Variants in EPB41L4B observed in about 807,000 individuals in gnomAD.
The protein encoded by EPB41L4B is band 4.1-like protein 4B.
EPB41L4B carries 30 observed loss-of-function variants against 112.5 expected under a neutral mutation model. That is an observed-to-expected ratio of 0.27 (90% CI 0.20 to 0.36). The LOEUF (loss-of-function observed/expected upper bound fraction) is 0.36, where lower values mean the gene tolerates loss of function less well. Among genes scored for constraint, EPB41L4B ranks in the 10% least tolerant of loss-of-function variants. The pLI is 1.00. For synonymous variants in EPB41L4B, 408 were observed against 439.7 expected, an observed-to-expected ratio of 0.93 and a Z score of 0.90; for missense variants, 1,024 against 1,133.3, an observed-to-expected ratio of 0.90 and a Z score of 1.38.
chr9:109,200,780 T>TA (rs1832797481), intron 19 of EPB41L4B, among the ~76,000 whole-genome samples: 7 of 150,676 alleles, frequency 4.6e-5, no homozygotes, highest in South Asian at 2.1e-4. Flanking sequence ...TATTTTTTTT[T>TA]TAAAAAAAGA....
At chr9:109,223,819 G>A (rs1833672420) in intron 15 of EPB41L4B, among the ~76,000 whole-genome samples, 1 of 152,160 alleles carries the variant, frequency 6.6e-6, no homozygotes. Context: ...AGGAGTTTGA[G>A]ACCAGCTTGG....
intron 18 of EPB41L4B, among the ~76,000 whole-genome samples, chr9:109,203,961 C>T (rs187019067): frequency 6.6e-6 from 1 of 152,336 alleles, no homozygotes; most frequent in Admixed American, 6.5e-5. Context: ...TCAATTCTTG[C>T]ATTCATGCTT....
chr9:109,284,351 T>C (rs1203890212), intron 1 of EPB41L4B, among the ~76,000 whole-genome samples: 1 of 152,212 alleles, frequency 6.6e-6, no homozygotes, highest in East Asian at 1.9e-4. Flanking sequence ...GTCAAACCAC[T>C]GTAAATTGGA....
intron 15 of EPB41L4B, among the ~76,000 whole-genome samples, chr9:109,222,473 T>C (rs1833613463): frequency 6.6e-6 from 1 of 152,180 alleles, no homozygotes; most frequent in South Asian, 2.1e-4. Flanking sequence ...ACAATGTAAA[T>C]GACATTCACT....
At chr9:109,205,061 G>A (rs1172332452) in intron 18 of EPB41L4B, among the ~76,000 whole-genome samples, 1 of 152,148 alleles carries the variant, frequency 6.6e-6, no homozygotes, top group Non-Finnish European at 1.5e-5. Context: ...GGCCAGTTAG[G>A]TGTGAAAGAA....
intron 14 of EPB41L4B, among the ~76,000 whole-genome samples, chr9:109,247,263 T>G (rs1588168534): frequency 6.6e-6 from 1 of 151,372 alleles, no homozygotes; most frequent in Non-Finnish European, 1.5e-5. Context: ...AAATAAAACA[T>G]GTCTTTCTTG....
intron 18 of EPB41L4B, among the ~76,000 whole-genome samples, 193 bp downstream of exon 18, chr9:109,207,731 C>T (rs1382712428): frequency 2.0e-5 from 3 of 152,162 alleles, no homozygotes; most frequent in Admixed American, 6.6e-5. Flanking sequence ...TCTCTTTTCA[C>T]CCTTTCATGT....
At chr9:109,198,915 G>C (rs1174905794) in intron 20 of EPB41L4B, among the ~76,000 whole-genome samples, 1 of 134,030 alleles carries the variant, frequency 7.5e-6, no homozygotes, top group Non-Finnish European at 1.6e-5. Flanking sequence ...GACAGAGCAA[G>C]GCTCTGTCTC....
intron 24 of EPB41L4B, among the ~76,000 whole-genome samples, chr9:109,182,513 A>G (rs998873095): frequency 6.6e-6 from 1 of 152,250 alleles, no homozygotes; most frequent in African/African-American, 2.4e-5. Flanking sequence ...CTGTGAATGT[A>G]CTGTCACTGA....
intron 24 of EPB41L4B, 44 bp downstream of exon 24, chr9:109,182,685 G>T (rs1301715713): frequency 3.4e-6 from 5 of 1,454,600 alleles, no homozygotes; most frequent in Admixed American, 1.7e-5. Flanking sequence ...CACCGCATGG[G>T]AACAAGGGTT....
chr9:109,284,873 T>A (rs1244591506), intron 1 of EPB41L4B, among the ~76,000 whole-genome samples: 3 of 152,232 alleles, frequency 2.0e-5, no homozygotes, highest in Non-Finnish European at 4.4e-5. Context: ...CAATACCTAT[T>A]ATCATGGCTC....
intron 17 of EPB41L4B, 115 bp from the exon 18 acceptor site, chr9:109,208,164 G>T (rs577422693): frequency 8.1e-7 from 1 of 1,241,346 alleles, no homozygotes; most frequent in South Asian, 1.5e-5. Context: ...ATAGACAGGG[G>T]TGTCACCAAC....
rs113395438 is a variant in EPB41L4B at position 109,193,882 on chromosome 9, G to T, written c.2223+338C>A. Among the ~76,000 whole-genome samples, 1,135 of 152,278 alleles carry T rather than the reference G, an allele frequency of 7.5e-3. 18 individuals carry two copies. The highest frequency in any genetic ancestry group is 0.026 in the African/African-American group (1,077 of 41,554). The stretch of plus-strand genomic sequence containing the variant: ...TTGCTCCTCCAAACTGTTCACTATG[G>T]TTGGGGGGGAATCATTTCTCTCTTT... On this transcript the variant is annotated intron_variant, in intron 21 of 25. Coordinates refer to ENST00000374566, the MANE Select transcript of EPB41L4B (RefSeq NM_019114.5).
At chr9:109,213,584 A>G (rs1258376113) in intron 17 of EPB41L4B, 116 bp downstream of exon 17, 1 of 758,058 alleles carries the variant, frequency 1.3e-6, no homozygotes, top group Non-Finnish European at 2.3e-6. Context: ...GGAAAGATGG[A>G]ATAGAGATCC....
At chr9:109,240,151 TC>T in intron 15 of EPB41L4B, 1 of 984,400 alleles carries the variant, frequency 1.0e-6, no homozygotes, top group Non-Finnish European at 1.2e-6. Context: ...GAAGATGGAG[TC>T]AAAAAAAAAG....
intron 1 of EPB41L4B, among the ~76,000 whole-genome samples, chr9:109,287,277 C>T (rs758043704): frequency 7.2e-5 from 11 of 152,088 alleles, no homozygotes; most frequent in Non-Finnish European, 1.5e-4. Flanking sequence ...GTCTTAACTG[C>T]CCCCCAAAAT....
intron 15 of EPB41L4B, among the ~76,000 whole-genome samples, chr9:109,233,492 T>C (rs1834023979): frequency 6.6e-6 from 1 of 151,950 alleles, no homozygotes; most frequent in Non-Finnish European, 1.5e-5. Context: ...TGCAGGGCAG[T>C]ATCATGCTGA....
chr9:109,180,728 C>T (rs1832023004), intron 24 of EPB41L4B, among the ~76,000 whole-genome samples: 1 of 152,146 alleles, frequency 6.6e-6, no homozygotes, highest in Non-Finnish European at 1.5e-5. Flanking sequence ...CCTTTAGCCA[C>T]CCACAGCCCA....
intron 20 of EPB41L4B, among the ~76,000 whole-genome samples, chr9:109,196,980 T>A (rs1341833765): frequency 1.3e-5 from 2 of 152,176 alleles, no homozygotes; most frequent in African/African-American, 2.4e-5. Flanking sequence ...ACTAGAAATA[T>A]TACAACAGCC....
Sources: gnomAD v4.1 joint callset for allele counts (sites outside exome capture counted in the v4.1 genomes callset) on GRCh38, gnomAD v4.1.1 for gene constraint, MANE v1.5 for transcripts, NCBI Gene and HGNC (gene_info 2026-07-23, HGNC 2026-07-21) for gene names.